The following VPS26A variants were observed in gnomAD, a reference collection of about 807,000 sequenced individuals.
VPS26A encodes the protein VPS26 retromer complex component A.
A neutral mutation model predicts 42.4 loss-of-function variants in VPS26A; 22 were observed. The observed-to-expected ratio is 0.52, with a 90% CI of 0.37 to 0.74. VPS26A has a LOEUF of 0.74. Among genes scored for constraint, VPS26A ranks in the 30% least tolerant of loss-of-function variants. The pLI, the probability that VPS26A is intolerant of heterozygous loss-of-function variation, is 0.00. For synonymous variants in VPS26A, 110 were observed against 123.5 expected (o/e 0.89, Z 0.73); for missense variants, 276 against 379.2 (o/e 0.73, Z 2.26).
chr10:69,166,972 T>C (rs780597813), intron 7 of VPS26A, among the ~76,000 whole-genome samples: 4 of 151,148 alleles, frequency 2.6e-5, no homozygotes, highest in South Asian at 2.1e-4. Flanking sequence ...ACTGAAAATA[T>C]AAAAATTAGC....
At chr10:69,130,549 T>C (rs568893206) in intron 1 of VPS26A, among the ~76,000 whole-genome samples, 7 of 152,308 alleles carry the variant, frequency 4.6e-5, no homozygotes, top group African/African-American at 1.7e-4. Flanking sequence ...GTTTTTAAAA[T>C]CACAACTGAA....
intron 3 of VPS26A, among the ~76,000 whole-genome samples, chr10:69,156,791 A>AT (rs113786917): frequency 0.042 from 6,345 of 152,266 alleles, 464 homozygotes; most frequent in African/African-American, 0.14. Flanking sequence ...CTCATTTTTA[A>AT]AGAAATTTTC....
chr10:69,139,646 A>G (rs909219047), intron 2 of VPS26A, among the ~76,000 whole-genome samples: 3 of 152,100 alleles, frequency 2.0e-5, no homozygotes, highest in African/African-American at 7.2e-5. Context: ...GTCTTCTGGC[A>G]TAGGGTATTG....
chr10:69,126,898 T>C (rs980105084), intron 1 of VPS26A, among the ~76,000 whole-genome samples: 3 of 151,906 alleles, frequency 2.0e-5, no homozygotes, highest in Admixed American at 1.3e-4. Flanking sequence ...GTTCTCTACC[T>C]GTAAAATGTA....
chr10:69,133,738 A>C (rs144331981), intron 2 of VPS26A: 5 of 540,738 alleles, frequency 9.2e-6, no homozygotes, highest in African/African-American at 7.9e-5. Flanking sequence ...GCTGGAGTGC[A>C]GTGGTGTGAT....
chr10:69,135,223 T>C lies in VPS26A; in HGVS notation c.153+2176T>C, dbSNP rs543574147. Among the ~76,000 whole-genome samples the C allele has an allele frequency of 1.8e-4, 28 of 152,336 alleles. No homozygotes were observed. In the South Asian group the frequency reaches 5.2e-3, roughly 28 times the overall value. ...GCTTCTGTAGTCTCCATAAAATACA[T>C]GATAGTGTTGATTATATAATAGGCT... On this transcript the variant is annotated intron_variant, in intron 2 of 8. Coordinates refer to ENST00000263559, the MANE Select transcript of VPS26A (RefSeq NM_004896.5).
intron 7 of VPS26A, among the ~76,000 whole-genome samples, chr10:69,167,742 C>CAAAAAAAAAA (rs35974356): frequency 3.0e-5 from 2 of 66,322 alleles, no homozygotes; most frequent in Admixed American, 2.0e-4. Context: ...GACTCCATCT[C>CAAAAAAAAAA]AAAAAAAAAA....
At chr10:69,165,326 A>G (rs561536472) in intron 6 of VPS26A, among the ~76,000 whole-genome samples, 2 of 152,186 alleles carry the variant, frequency 1.3e-5, no homozygotes, top group Non-Finnish European at 2.9e-5. Context: ...TTCTTTTATT[A>G]TTATTATTTT....
intron 2 of VPS26A, among the ~76,000 whole-genome samples, chr10:69,151,948 C>T (rs1299698803): frequency 6.6e-6 from 1 of 151,882 alleles, no homozygotes; most frequent in African/African-American, 2.4e-5. Flanking sequence ...TAATGTTAAG[C>T]CTGTTTAAGT....
intron 2 of VPS26A, among the ~76,000 whole-genome samples, chr10:69,145,902 A>C (rs1841150986): frequency 6.6e-6 from 1 of 152,132 alleles, no homozygotes; most frequent in Non-Finnish European, 1.5e-5. Context: ...CAGTCACTAC[A>C]TGAGAACCAC....
Position 69,166,100 on chromosome 10 carries a change from A to G in VPS26A, c.717A>G (p.Ala239=). The G allele has an allele frequency of 6.2e-7, 1 of 1,614,076 alleles. No homozygotes were observed. The highest frequency in any genetic ancestry group is 8.5e-7 in the Non-Finnish European group (1 of 1,179,946). The change falls in exon 7 of 9, where the codon GCA becomes GCG. Residue 239 remains alanine, a synonymous_variant. Transcript: ENST00000263559. The stretch of plus-strand genomic sequence containing the variant: ...CCAAATATGAAATAATGGATGGTGC[A>G]CCAGTAAAAGGTAACACACTTTTCA... ...TIAKYEIMDG[A]PVKGESIPIR... is the part of the protein sequence containing the mutation.
chr10:69,165,932 C>T (rs1048874488), intron 6 of VPS26A, 110 bp from the exon 7 acceptor site: 13 of 1,050,464 alleles, frequency 1.2e-5, no homozygotes, highest in African/African-American at 9.7e-5. Flanking sequence ...GGTGATGGAG[C>T]GAGACACCGT....
In VPS26A at chr10:69,155,903, GTAT is replaced by G. The variant is rs1564682940; in HGVS notation, c.229+21_229+23del. 1.9e-6 allele frequency: 3 copies of G among 1,580,206 alleles called. No individual in the cohort carries two copies. In the Admixed American group the frequency reaches 5.3e-5, roughly 28 times the overall value. ...GGTCAAATTGGTGAGTTTTAAAATA[GTAT>G]TATTTCTTTTTCTTTGATAACTGAA... is the stretch of plus-strand genomic sequence containing the variant. On this transcript the variant is annotated intron_variant, in intron 3 of 8. Transcript: ENST00000263559.
intron 2 of VPS26A, among the ~76,000 whole-genome samples, chr10:69,154,918 T>A (rs1051030022): frequency 4.4e-4 from 66 of 149,292 alleles, no homozygotes; most frequent in Admixed American, 1.3e-3. Flanking sequence ...TATATATATT[T>A]TTTTTTTAAG....
At chr10:69,142,350 G>A (rs1251988580) in intron 2 of VPS26A, among the ~76,000 whole-genome samples, 1 of 104,720 alleles carries the variant, frequency 9.5e-6, no homozygotes, top group Admixed American at 1.1e-4. Context: ...CACCCTGCCT[G>A]GCTAATTAAA....
At chr10:69,161,693 G>C (rs568657647) in intron 5 of VPS26A, 4 of 379,952 alleles carry the variant, frequency 1.1e-5, no homozygotes. Context: ...ATCAACCGGG[G>C]TTCAGCACAA....
intron 2 of VPS26A, among the ~76,000 whole-genome samples, chr10:69,149,046 G>A (rs1341222974): frequency 2.0e-5 from 3 of 151,998 alleles, no homozygotes; most frequent in South Asian, 2.1e-4. Flanking sequence ...GTGAGCCACC[G>A]CGCCCAGCCA....
At chr10:69,168,260 A>G (rs919377793) in intron 7 of VPS26A, among the ~76,000 whole-genome samples, 2 of 152,136 alleles carry the variant, frequency 1.3e-5, no homozygotes, top group Non-Finnish European at 2.9e-5. Context: ...TCTAGTGGGT[A>G]GAGGCCAGGG....
chr10:69,155,758 A>C, intron 2 of VPS26A, 54 bp from the exon 3 acceptor site: 1 of 1,358,400 alleles, frequency 7.4e-7, no homozygotes, highest in Non-Finnish European at 1.0e-6. Flanking sequence ...GGAAGCTACT[A>C]GTAGGCCCAC....
Sources: allele counts gnomAD v4.1 joint callset (sites outside exome capture counted in the v4.1 genomes callset), GRCh38; gene constraint gnomAD v4.1.1; transcripts MANE v1.5; gene names NCBI Gene and HGNC (gene_info 2026-07-23, HGNC 2026-07-21).